The following MTO1 variants were observed in gnomAD, a reference collection of about 807,000 sequenced individuals.
The protein encoded by MTO1 is 5-taurinomethyluridine-[tRNA] synthase subunit MTO1, mitochondrial.
MTO1 carries 46 observed loss-of-function variants against 71.6 expected under a neutral mutation model. The ratio of observed to expected loss-of-function variants is 0.64; its 90% CI spans 0.51 to 0.82. The LOEUF (loss-of-function observed/expected upper bound fraction) is 0.82, where lower values mean the gene tolerates loss of function less well. Among genes scored for constraint, MTO1 ranks in the 40% least tolerant of loss-of-function variants. The pLI, the probability that MTO1 is intolerant of heterozygous loss-of-function variation, is 0.00. For synonymous variants in MTO1, 297 were observed against 312.1 expected (o/e 0.95, Z 0.51); for missense variants, 773 against 867.5 (o/e 0.89, Z 1.37).
chr6:73,480,982 T>G (rs991737725), intron 7 of MTO1, 177 bp downstream of exon 7: 10 of 642,314 alleles, frequency 1.6e-5, no homozygotes, highest in Admixed American at 3.3e-5. Flanking sequence ...TTTTTTTTTT[T>G]TTTTTTTTTT....
chr6:73,497,321 T>A (rs1428239211), intron 10 of MTO1, among the ~76,000 whole-genome samples: 35 of 151,246 alleles, frequency 2.3e-4, no homozygotes, highest in Admixed American at 2.2e-3. Flanking sequence ...CCTGGCTAAT[T>A]TTTTATATTT....
At chr6:73,482,365 G>C in intron 8 of MTO1, 84 bp from the exon 9 acceptor site, 1 of 1,538,584 alleles carries the variant, frequency 6.5e-7, no homozygotes, top group South Asian at 1.2e-5. Context: ...ACTAGCCTGG[G>C]CAACATAGTG....
chr6:73,467,463 A>G (rs1361471011), intron 3 of MTO1, among the ~76,000 whole-genome samples: 1 of 151,958 alleles, frequency 6.6e-6, no homozygotes, highest in African/African-American at 2.4e-5. Context: ...AAAATACAAA[A>G]TTAGCCAGGT....
At chr6:73,478,187 A>T (rs931130511) in intron 4 of MTO1, among the ~76,000 whole-genome samples, 4 of 151,740 alleles carry the variant, frequency 2.6e-5, no homozygotes, top group African/African-American at 9.7e-5. Context: ...CAGAGGTTGC[A>T]GTGAGCAGAG....
intron 9 of MTO1, among the ~76,000 whole-genome samples, chr6:73,484,488 G>T (rs191345058): frequency 6.6e-6 from 1 of 151,982 alleles, no homozygotes; most frequent in African/African-American, 2.4e-5. Flanking sequence ...ACTTATAAGC[G>T]CCAGAACCCT....
intron 1 of MTO1, among the ~76,000 whole-genome samples, chr6:73,465,565 C>G (rs943590394): frequency 1.2e-4 from 18 of 151,862 alleles, no homozygotes; most frequent in African/African-American, 4.4e-4. Flanking sequence ...GGTGCTGTAT[C>G]AAAAAAGAAC....
intron 11 of MTO1, among the ~76,000 whole-genome samples, 172 bp from the exon 12 acceptor site, chr6:73,500,402 A>G (rs542008619): frequency 6.0e-5 from 9 of 151,004 alleles, no homozygotes; most frequent in African/African-American, 2.2e-4. Flanking sequence ...AGACATAAAT[A>G]ATAATATTTC....
Position 73,482,053 on chromosome 6 carries a change from G to A in MTO1, c.1274G>A (p.Gly425Glu), listed in dbSNP as rs746324964. 2 of 1,614,088 alleles carry A rather than the reference G, an allele frequency of 1.2e-6. No individual in the cohort carries two copies. The highest frequency in any genetic ancestry group is 8.5e-7 in the Non-Finnish European group (1 of 1,180,020). The change falls in exon 8 of 12, where the codon GGA (glycine) becomes GAA (glutamate). Residue 425 changes from glycine to glutamate, a missense_variant. Coordinates refer to ENST00000498286, the MANE Select transcript of MTO1 (RefSeq NM_012123.4). ...GTGCTCTTGTAGGGTGTGATAGCCGGAATCAACGCCAGTCTTCGGGTCAGT... is the reference window on the plus strand; with the variant it reads ...GTGCTCTTGTAGGGTGTGATAGCCGAAATCAACGCCAGTCTTCGGGTCAGT... ...EEAAAQGVIAGINASLRVSRK... is the reference protein window; with the variant it reads ...EEAAAQGVIAEINASLRVSRK...
chr6:73,500,846 T>C lies in MTO1; in HGVS notation c.*111T>C. 1.0e-6 allele frequency: 1 copy of C among 959,422 alleles called. No homozygotes were observed. Among genetic ancestry groups the C allele is most frequent in the Non-Finnish European group, 1.4e-6 (1 of 713,614 alleles). 59.4% of individuals were successfully genotyped at this position (959,422 alleles called of 1,614,324 possible). Reference sequence around the variant, plus strand: ...TTAAAATAGCTTTATTAGGTTACTATGGGTTTGCCATTAATTTCTGAGTGG... The same window carrying C: ...TTAAAATAGCTTTATTAGGTTACTACGGGTTTGCCATTAATTTCTGAGTGG... On this transcript the variant is annotated 3_prime_UTR_variant, in exon 12 of 12. Coordinates refer to ENST00000498286, the MANE Select transcript of MTO1 (RefSeq NM_012123.4).
At chr6:73,473,683 C>A (rs762487924) in intron 4 of MTO1, 29 bp downstream of exon 4, 1 of 1,546,388 alleles carries the variant, frequency 6.5e-7, no homozygotes, top group Non-Finnish European at 8.8e-7. Flanking sequence ...ACCTGGCTTA[C>A]AGCTGGTATT....
At chr6:73,486,429 G>A (rs9446911) in intron 9 of MTO1, among the ~76,000 whole-genome samples, 1,312 of 99,820 alleles carry the variant, frequency 0.013, 18 homozygotes, top group African/African-American at 0.048. Flanking sequence ...CTGTTTCTAT[G>A]GATTTGACTA....
chr6:73,482,241 C>G lies in MTO1; in HGVS notation c.1462C>G (p.Arg488Gly). The change falls in exon 8 of 12, where the codon CGA (arginine) becomes GGA (glycine). Residue 488 changes from arginine to glycine, a missense_variant. By Grantham distance (125) the Arg-to-Gly change is moderately radical. Transcript: ENST00000498286. ...PDNADSRLTL[R>G]GYKDAGCVSQ... ...TAATGCTGACAGCCGGCTCACACTGCGAGGTAACTCTTTCCTGAGTCCTGC... is the reference window on the plus strand; with the variant it reads ...TAATGCTGACAGCCGGCTCACACTGGGAGGTAACTCTTTCCTGAGTCCTGC... 6.2e-7 allele frequency: 1 copy of G among 1,613,934 alleles called. No homozygotes were observed. The highest frequency in any genetic ancestry group is 1.3e-5 in the African/African-American group (1 of 74,990).
intron 4 of MTO1, 117 bp from the exon 5 acceptor site, chr6:73,479,615 C>A: frequency 1.5e-6 from 1 of 680,266 alleles, no homozygotes. Flanking sequence ...TAATACTAGG[C>A]ATTATGCACA....
rs1772246068 is a variant in MTO1 at position 73,504,926 on chromosome 6, G to C, written c.*4191G>C. 6.7e-6 allele frequency: 1 copy of C among 150,338 alleles called. No individual in the cohort carries two copies. The highest frequency in any genetic ancestry group is 2.5e-5 in the African/African-American group (1 of 40,808). The allele number at this position is 150,338 out of a possible 1,614,324, so 9.3% of individuals were successfully genotyped here. A position where few individuals can be genotyped will look rare whatever the true frequency, so the allele number is the denominator to read the frequency against. On this transcript the variant is annotated 3_prime_UTR_variant, in exon 12 of 12. Coordinates refer to ENST00000498286, the MANE Select transcript of MTO1 (RefSeq NM_012123.4). ...GTGGTGGCTCACATCTGTAATCCCA[G>C]CATTTTGGGATTACAAATCTGCCAG...
At position 73,461,977 on chromosome 6, in the gene MTO1, C is replaced by G. The variant is rs1351045114; in HGVS notation, c.123C>G (p.Val41=). ...APRTPHFDVI[V]IGGGHAGTEA... is the part of the protein sequence containing the mutation. ...GGACTCCGCACTTCGACGTGATAGT[C>G]ATTGGTGGAGGACATGCCGGGACTG... is the stretch of plus-strand genomic sequence containing the variant. Residue 41 remains valine, a synonymous_variant, in exon 1 of 12, where the codon GTC becomes GTG. Coordinates refer to ENST00000498286, the MANE Select transcript of MTO1 (RefSeq NM_012123.4). 1.2e-6 allele frequency: 2 copies of G among 1,614,216 alleles called. No individual in the cohort carries two copies. Among genetic ancestry groups the G allele is most frequent in the South Asian group, 2.2e-5 (2 of 91,082 alleles).
intron 4 of MTO1, 67 bp downstream of exon 4, chr6:73,473,721 CTT>C (rs11417913): frequency 6.8e-3 from 5,705 of 837,446 alleles, no homozygotes; most frequent in South Asian, 9.7e-3. Context: ...AGTACTGTAA[CTT>C]TTTTTTTTTT....
chr6:73,466,676 C>T, intron 3 of MTO1, 70 bp downstream of exon 3: 1 of 1,372,470 alleles, frequency 7.3e-7, no homozygotes, highest in African/African-American at 1.4e-5. Flanking sequence ...TATTTTAGAG[C>T]AAAGTGTGGA....
intron 9 of MTO1, among the ~76,000 whole-genome samples, chr6:73,485,940 TACAC>T (rs57534567): frequency 0.2 from 30,601 of 151,090 alleles, 3,154 homozygotes; most frequent in African/African-American, 0.26. Flanking sequence ...GCGTAACACA[TACAC>T]ACACACACAC....
At chr6:73,499,622 C>G (rs1179351035) in intron 11 of MTO1, among the ~76,000 whole-genome samples, 1 of 152,140 alleles carries the variant, frequency 6.6e-6, no homozygotes, top group African/African-American at 2.4e-5. Context: ...TGACTAGTGG[C>G]TACCATATTG....
Sources: allele counts gnomAD v4.1 joint callset (sites outside exome capture counted in the v4.1 genomes callset), GRCh38; gene constraint gnomAD v4.1.1; transcripts MANE v1.5; gene names NCBI Gene and HGNC (gene_info 2026-07-23, HGNC 2026-07-21).